The following GATAD2A variants were observed in gnomAD, a reference collection of about 807,000 sequenced individuals.
The protein encoded by GATAD2A is transcriptional repressor p66-alpha.
A neutral mutation model predicts 68.5 loss-of-function variants in GATAD2A; 12 were observed. The observed-to-expected ratio is 0.18, with a 90% CI of 0.11 to 0.28. GATAD2A has a LOEUF of 0.28. Among genes scored for constraint, GATAD2A ranks in the 10% least tolerant of loss-of-function variants. GATAD2A has a pLI of 1.00. For missense variants in GATAD2A, 755 were observed against 868.5 expected (o/e 0.87, Z 1.64); for synonymous variants, 410 against 375.3 (o/e 1.09, Z -1.07).
intron 1 of GATAD2A, among the ~76,000 whole-genome samples, chr19:19,453,294 GT>G (rs2056579247): frequency 1.3e-5 from 2 of 152,262 alleles, no homozygotes; most frequent in East Asian, 3.9e-4. Context: ...CAGCAATTGA[GT>G]TTATAGCATG....
intron 2 of GATAD2A, among the ~76,000 whole-genome samples, chr19:19,475,971 C>T (rs1052176463): frequency 2.0e-5 from 3 of 152,192 alleles, no homozygotes; most frequent in Non-Finnish European, 2.9e-5. Flanking sequence ...TGAGCCGGCC[C>T]GGTGCCAGGT....
At chr19:19,460,596 C>T (rs537889892) in intron 1 of GATAD2A, among the ~76,000 whole-genome samples, 3 of 152,176 alleles carry the variant, frequency 2.0e-5, no homozygotes, top group Admixed American at 6.5e-5. Flanking sequence ...TCGTGGGCCT[C>T]GCACTCAGCA....
chr19:19,450,869 CA>C (rs747258853), intron 1 of GATAD2A, among the ~76,000 whole-genome samples: 173 of 151,724 alleles, frequency 1.1e-3, no homozygotes, highest in Non-Finnish European at 2.3e-3. Context: ...CTCCCGGTTT[CA>C]AGCAATTCCC....
chr19:19,495,651 A>AC, intron 5 of GATAD2A, 103 bp from the exon 6 acceptor site: 4 of 1,076,804 alleles, frequency 3.7e-6, no homozygotes, highest in East Asian at 5.1e-5. Flanking sequence ...AAAAAAAAAA[A>AC]AAAACTAGTA....
chr19:19,490,373 G>A (rs1174306360), intron 2 of GATAD2A, among the ~76,000 whole-genome samples: 1 of 152,130 alleles, frequency 6.6e-6, no homozygotes, highest in Non-Finnish European at 1.5e-5. Context: ...GCAGCTCATG[G>A]GTGTGGAGGG....
chr19:19,428,278 A>G (rs2053325513), intron 1 of GATAD2A, among the ~76,000 whole-genome samples: 2 of 152,254 alleles, frequency 1.3e-5, no homozygotes, highest in South Asian at 4.1e-4. Flanking sequence ...TCTGGGGTCG[A>G]TAGGCAGTTT....
At chr19:19,505,132 G>A (rs2060800628) in intron 11 of GATAD2A, among the ~76,000 whole-genome samples, 1 of 152,190 alleles carries the variant, frequency 6.6e-6, no homozygotes, top group African/African-American at 2.4e-5. Flanking sequence ...GCCTGGCAAT[G>A]TCAAGGCCAT....
At chr19:19,398,705 A>T (rs2049458120) in intron 1 of GATAD2A, among the ~76,000 whole-genome samples, 1 of 151,462 alleles carries the variant, frequency 6.6e-6, no homozygotes, top group Non-Finnish European at 1.5e-5. Flanking sequence ...TGGGAGGCTG[A>T]GGTGGGTGGA....
At chr19:19,464,504 G>A (rs887693018) in intron 1 of GATAD2A, among the ~76,000 whole-genome samples, 1 of 152,204 alleles carries the variant, frequency 6.6e-6, no homozygotes, top group African/African-American at 2.4e-5. Flanking sequence ...TCCTGTCTCC[G>A]TGAGGGTTAA....
intron 1 of GATAD2A, among the ~76,000 whole-genome samples, chr19:19,431,020 G>T (rs2147432616): frequency 8.9e-6 from 1 of 112,740 alleles, no homozygotes; most frequent in East Asian, 2.8e-4. Flanking sequence ...TGTGTGTGTA[G>T]TACCCAGGTG....
intron 1 of GATAD2A, among the ~76,000 whole-genome samples, chr19:19,443,375 CAG>C (rs770504931): frequency 6.6e-6 from 1 of 152,164 alleles, no homozygotes; most frequent in Non-Finnish European, 1.5e-5. Flanking sequence ...CAATGGGAAA[CAG>C]GGCAAGCATC....
chr19:19,402,902 A>G (rs1739834091), upstream of GATAD2A, among the ~76,000 whole-genome samples: 1 of 151,026 alleles, frequency 6.6e-6, no homozygotes, highest in Non-Finnish European at 1.5e-5. Flanking sequence ...TCTTCTAAGT[A>G]GCTGGGATTA....
rs1193740733 is a variant in GATAD2A, at chr19:19,505,387, G to A, written c.1818G>A (p.Lys606=). ...TCAGCCCAAGCCTGGCGGTGCACAA[G>A]AGCTCCTCGGCCGTGGACCGCCAGC... The part of the protein sequence containing the change: ...AFVSPSLAVH[K]SSSAVDRQRE... The change falls in exon 12 of 12, where the codon AAG becomes AAA. Residue 606 remains lysine, a synonymous_variant. Coordinates refer to ENST00000683918, the MANE Select transcript of GATAD2A (RefSeq NM_001384528.1). The A allele has an allele frequency of 3.7e-6, 6 of 1,613,260 alleles. No homozygotes were observed. The highest frequency in any genetic ancestry group is 5.1e-6 in the Non-Finnish European group (6 of 1,179,662).
intron 1 of GATAD2A, chr19:19,435,122 C>T (rs532379817): frequency 3.7e-5 from 20 of 533,490 alleles, no homozygotes; most frequent in South Asian, 2.8e-4. Context: ...GTAAAATGGG[C>T]ATGATCCAGG....
chr19:19,495,743 A>G lies in GATAD2A; in HGVS notation c.625-11A>G. 3 of 1,597,498 alleles carry G rather than the reference A, an allele frequency of 1.9e-6. No homozygotes were observed. The highest frequency in any genetic ancestry group is 2.6e-6 in the Non-Finnish European group (3 of 1,167,962). On this transcript the variant is annotated splice_polypyrimidine_tract_variant and intron_variant, in intron 5 of 11. Transcript: ENST00000683918. ...GGTCCATGTAAATCTGGGTCTTGGT[A>G]TCGTTGGCAGACCTCTTCAGCTCGG... is the stretch of plus-strand genomic sequence containing the variant.
intron 1 of GATAD2A, among the ~76,000 whole-genome samples, chr19:19,391,212 G>A (rs2048822375): frequency 6.6e-6 from 1 of 152,192 alleles, no homozygotes. Context: ...CTAAAACCCA[G>A]GAGGAAATAA....
At chr19:19,459,620 G>A (rs2057245609) in intron 1 of GATAD2A, among the ~76,000 whole-genome samples, 1 of 152,240 alleles carries the variant, frequency 6.6e-6, no homozygotes, top group Non-Finnish European at 1.5e-5. Context: ...ATGTGGCACA[G>A]AGGGTAGATA....
chr19:19,493,736 G>A (rs2059961268), intron 4 of GATAD2A, among the ~76,000 whole-genome samples: 1 of 93,062 alleles, frequency 1.1e-5, no homozygotes, highest in African/African-American at 4.2e-5. Flanking sequence ...CTGCCCCCGC[G>A]CCCCCTCCCC....
At chr19:19,398,932 G>T (rs992547512) in intron 1 of GATAD2A, among the ~76,000 whole-genome samples, 2 of 152,116 alleles carry the variant, frequency 1.3e-5, no homozygotes, top group Non-Finnish European at 2.9e-5. Context: ...AGTGGCGGGC[G>T]CCTGTAATCC....
Sources: allele counts gnomAD v4.1 joint callset (sites outside exome capture counted in the v4.1 genomes callset), GRCh38; gene constraint gnomAD v4.1.1; transcripts MANE v1.5; gene names NCBI Gene and HGNC (gene_info 2026-07-23, HGNC 2026-07-21).